Variants in CNTNAP5 observed in about 807,000 individuals in gnomAD.
CNTNAP5 encodes contactin-associated protein-like 5.
In CNTNAP5, 72 loss-of-function variants were observed where a neutral mutation model predicts 150.2. The observed-to-expected ratio is 0.48, with a 90% confidence interval of 0.40 to 0.58. The LOEUF is 0.58. CNTNAP5 is among the 20% of genes least tolerant of loss of function. The pLI is 0.00. For synonymous variants in CNTNAP5, 672 were observed against 619.8 expected, an observed-to-expected ratio of 1.08 and a Z score of -1.25; for missense variants, 1,636 against 1,626.2, an observed-to-expected ratio of 1.01 and a Z score of -0.10.
chr2:124,510,977 C>A (rs981667518), intron 8 of CNTNAP5, among the ~76,000 whole-genome samples: 5 of 152,148 alleles, frequency 3.3e-5, no homozygotes, highest in African/African-American at 1.2e-4. Context: ...GTACCAAGTG[C>A]CATGGGGACC....
intron 1 of CNTNAP5, among the ~76,000 whole-genome samples, chr2:124,151,186 T>C (rs992420583): frequency 1.6e-4 from 24 of 152,214 alleles, no homozygotes; most frequent in African/African-American, 4.8e-4. Flanking sequence ...GTCCATGATA[T>C]GGGGTGAATT....
At chr2:124,605,912 T>C (rs1389842364) in intron 11 of CNTNAP5, among the ~76,000 whole-genome samples, 1 of 151,846 alleles carries the variant, frequency 6.6e-6, no homozygotes, top group African/African-American at 2.4e-5. Context: ...TTTTATGGTT[T>C]CAAAATTAAA....
At chr2:124,420,463 C>G (rs974078478) in intron 4 of CNTNAP5, among the ~76,000 whole-genome samples, 3 of 152,152 alleles carry the variant, frequency 2.0e-5, no homozygotes, top group African/African-American at 7.2e-5. Flanking sequence ...GCTTACCTCC[C>G]TTCACACTGC....
At chr2:124,648,194 G>A (rs542078702) in intron 13 of CNTNAP5, among the ~76,000 whole-genome samples, 3 of 152,286 alleles carry the variant, frequency 2.0e-5, no homozygotes, top group South Asian at 2.1e-4. Flanking sequence ...TAAAGAAAAC[G>A]ATTCCAACAC....
intron 7 of CNTNAP5, 38 bp from the exon 8 acceptor site, chr2:124,504,254 A>G: frequency 6.3e-7 from 1 of 1,594,386 alleles, no homozygotes; most frequent in Non-Finnish European, 8.6e-7. Context: ...GCGGAATAAA[A>G]AATGGCTTTT....
At chr2:124,278,312 T>G (rs1687933578) in intron 3 of CNTNAP5, among the ~76,000 whole-genome samples, 1 of 152,146 alleles carries the variant, frequency 6.6e-6, no homozygotes, top group Middle Eastern at 3.4e-3. Context: ...GATAAAAAAA[T>G]AATGGGAAAG....
chr2:124,328,788 G>A (rs1258357056), intron 3 of CNTNAP5, among the ~76,000 whole-genome samples: 1 of 152,142 alleles, frequency 6.6e-6, no homozygotes, highest in African/African-American at 2.4e-5. Context: ...CTGATCAGGT[G>A]AAAATTAAAA....
chr2:124,410,700 T>C (rs1691732233), intron 3 of CNTNAP5, among the ~76,000 whole-genome samples: 1 of 151,504 alleles, frequency 6.6e-6, no homozygotes, highest in Admixed American at 6.6e-5. Context: ...AGACACAACA[T>C]ACCAGAATCT....
At chr2:124,598,829 T>C (rs1696900807) in intron 11 of CNTNAP5, among the ~76,000 whole-genome samples, 2 of 152,156 alleles carry the variant, frequency 1.3e-5, no homozygotes, top group South Asian at 4.1e-4. Context: ...GAGCCAGGTG[T>C]GGGATATAGT....
At chr2:124,850,448 C>A (rs569701837) in intron 19 of CNTNAP5, among the ~76,000 whole-genome samples, 2 of 152,112 alleles carry the variant, frequency 1.3e-5, no homozygotes, top group East Asian at 3.9e-4. Context: ...GCAATGCACA[C>A]CAAAGAACAA....
chr2:124,691,397 T>C (rs1044821931), intron 13 of CNTNAP5, among the ~76,000 whole-genome samples: 7 of 152,026 alleles, frequency 4.6e-5, no homozygotes, highest in Admixed American at 3.9e-4. Flanking sequence ...TTGTCTGCCT[T>C]GAGGAAGAGG....
chr2:124,583,046 A>G (rs978895747), intron 11 of CNTNAP5, among the ~76,000 whole-genome samples: 1 of 152,134 alleles, frequency 6.6e-6, no homozygotes, highest in Non-Finnish European at 1.5e-5. Flanking sequence ...ATAAACTTTT[A>G]TAACTGTGAT....
At chr2:124,410,811 T>C (rs1218746930) in intron 3 of CNTNAP5, among the ~76,000 whole-genome samples, 1 of 148,616 alleles carries the variant, frequency 6.7e-6, no homozygotes, top group Non-Finnish European at 1.5e-5. Flanking sequence ...AACATCACAA[T>C]TAAAAGAACT....
At chr2:124,208,023 A>C (rs1685907230) in intron 1 of CNTNAP5, among the ~76,000 whole-genome samples, 1 of 152,208 alleles carries the variant, frequency 6.6e-6, no homozygotes, top group Admixed American at 6.5e-5. Context: ...TTTACAAGGA[A>C]AAGTAGAGCA....
intron 3 of CNTNAP5, among the ~76,000 whole-genome samples, chr2:124,361,946 C>T (rs940942236): frequency 5.3e-5 from 8 of 152,192 alleles, no homozygotes; most frequent in Non-Finnish European, 1.2e-4. Flanking sequence ...GACTGCTGTG[C>T]TAGCAATCAG....
chr2:124,865,275 A>G lies in CNTNAP5; in HGVS notation c.3218-31A>G, dbSNP rs369188096. 63 of 1,535,058 alleles carry G rather than the reference A, an allele frequency of 4.1e-5. No homozygotes were observed. The Middle Eastern group carries it at 6.7e-4, about 16-fold the overall frequency. On this transcript the variant is annotated intron_variant, in intron 19 of 23. Coordinates refer to ENST00000682447, the MANE Select transcript of CNTNAP5 (RefSeq NM_001367498.1). ...CTTTGCATTTTATAGGTGCTGCTTT[A>G]TATTCTAATTTCTAATATTTTTCTT...
intron 13 of CNTNAP5, among the ~76,000 whole-genome samples, chr2:124,683,513 G>A (rs1679118084): frequency 6.6e-6 from 1 of 152,122 alleles, no homozygotes; most frequent in Non-Finnish European, 1.5e-5. Flanking sequence ...TACCCAATGT[G>A]TAGTCTTTTG....
intron 10 of CNTNAP5, among the ~76,000 whole-genome samples, chr2:124,545,738 A>G (rs1256604966): frequency 6.6e-6 from 1 of 151,974 alleles, no homozygotes; most frequent in Non-Finnish European, 1.5e-5. Flanking sequence ...CCTATACCAG[A>G]CTACAGATGT....
chr2:124,345,999 T>C (rs1689728967), intron 3 of CNTNAP5, among the ~76,000 whole-genome samples: 1 of 152,222 alleles, frequency 6.6e-6, no homozygotes, highest in African/African-American at 2.4e-5. Context: ...TAATCAACAG[T>C]TGGCAAGACC....
Sources: gnomAD v4.1 joint callset for allele counts (sites outside exome capture counted in the v4.1 genomes callset) on GRCh38, gnomAD v4.1.1 for gene constraint, MANE v1.5 for transcripts, NCBI Gene and HGNC (gene_info 2026-07-23, HGNC 2026-07-21) for gene names.